Variants in SPMIP8 observed in about 807,000 individuals in gnomAD.
The protein encoded by SPMIP8 is sperm microtubule inner protein 8, also known as testicular tissue protein Li 196.
the SPMIP8 span, chr16:57,985,561 G>A: frequency 6.3e-7 from 1 of 1,583,286 alleles, no homozygotes; most frequent in South Asian, 1.1e-5. Context: ...GTGACGCCAC[G>A]CGCCCGGGGA....
At chr16:57,976,763 C>A in the SPMIP8 span, 31 of 1,096,010 alleles carry the variant, frequency 2.8e-5, no homozygotes, top group Non-Finnish European at 1.2e-5. Context: ...CTCCCTGCTC[C>A]TCCATGATCT....
At chr16:57,977,881 C>A in the SPMIP8 span, 212 of 1,614,150 alleles carry the variant, frequency 1.3e-4, no homozygotes, top group South Asian at 2.2e-3. Flanking sequence ...GCCTCCCCGG[C>A]CATCCTGCTT....
the SPMIP8 span, chr16:57,977,803 T>C: frequency 6.2e-7 from 1 of 1,608,412 alleles, no homozygotes; most frequent in Middle Eastern, 2.1e-4. Context: ...CTTAGAACCC[T>C]CTGCCCCCCA....
the SPMIP8 span, chr16:57,987,239 G>A: frequency 1.8e-4 from 119 of 664,648 alleles, no homozygotes; most frequent in East Asian, 3.0e-3. Context: ...AGCTAAGGAG[G>A]ACAGCTGAAA....
chr16:57,979,338 G>T, the SPMIP8 span, among the ~76,000 whole-genome samples: 1 of 152,160 alleles, frequency 6.6e-6, no homozygotes, highest in South Asian at 2.1e-4. Flanking sequence ...AGTGAGGGAA[G>T]TGGGTGGGGA....
chr16:57,987,477 TCCCCTG>T, the SPMIP8 span: 4 of 1,559,122 alleles, frequency 2.6e-6, no homozygotes, highest in South Asian at 4.8e-5. Context: ...CCACCTCAGG[TCCCCTG>T]GCCAGACAGA....
chr16:57,987,486 C>A, the SPMIP8 span: 1 of 1,545,598 alleles, frequency 6.5e-7, no homozygotes, highest in Non-Finnish European at 8.7e-7. Flanking sequence ...GTCCCCTGGC[C>A]AGACAGAGGA....
the SPMIP8 span, chr16:57,985,562 C>T: frequency 6.3e-7 from 1 of 1,581,346 alleles, no homozygotes; most frequent in African/African-American, 1.4e-5. Context: ...TGACGCCACG[C>T]GCCCGGGGAC....
chr16:57,977,418 AAAAAAAG>A, the SPMIP8 span, among the ~76,000 whole-genome samples: 1 of 151,066 alleles, frequency 6.6e-6, no homozygotes, highest in African/African-American at 2.4e-5. Context: ...AAAAAAAAAA[AAAAAAAG>A]AAAAGAAAGA....
the SPMIP8 span, among the ~76,000 whole-genome samples, chr16:57,982,964 AG>A: frequency 2.0e-5 from 3 of 152,226 alleles, no homozygotes; most frequent in East Asian, 5.8e-4. Context: ...TGGGTGGCGG[AG>A]GTTGCAGTGA....
At chr16:57,984,319 C>G in the SPMIP8 span, 2 of 1,614,104 alleles carry the variant, frequency 1.2e-6, no homozygotes, top group South Asian at 2.2e-5. Flanking sequence ...TTGACAACGC[C>G]CATTTTACAC....
the SPMIP8 span, among the ~76,000 whole-genome samples, chr16:57,981,363 G>A: frequency 1.3e-5 from 1 of 78,966 alleles, no homozygotes; most frequent in East Asian, 3.1e-4. Flanking sequence ...CTGGGCAACA[G>A]AGTGACACTC....
At chr16:57,987,432 G>A in the SPMIP8 span, 1 of 1,592,928 alleles carries the variant, frequency 6.3e-7, no homozygotes, top group South Asian at 1.1e-5. Flanking sequence ...ATTAATCTCT[G>A]GAAAGGAGGC....
At chr16:57,985,419 G>A in the SPMIP8 span, 1 of 1,612,860 alleles carries the variant, frequency 6.2e-7, no homozygotes. Context: ...CCTGTGTGGG[G>A]CGTGGGCAGG....
the SPMIP8 span, among the ~76,000 whole-genome samples, chr16:57,981,980 C>A: frequency 9.2e-5 from 14 of 152,126 alleles, no homozygotes; most frequent in African/African-American, 3.4e-4. Flanking sequence ...CAATACATTG[C>A]GGAGACCTCA....
At chr16:57,979,866 G>A in the SPMIP8 span, among the ~76,000 whole-genome samples, 10 of 152,240 alleles carry the variant, frequency 6.6e-5, no homozygotes, top group Non-Finnish European at 1.5e-4. Flanking sequence ...TCAGAAGTTC[G>A]AGACCAGCCT....
the SPMIP8 span, chr16:57,986,097 T>A: frequency 2.2e-6 from 2 of 893,398 alleles, no homozygotes; most frequent in Non-Finnish European, 3.2e-6. Context: ...TGCTTCGCTC[T>A]GGAGAGATCC....
the SPMIP8 span, chr16:57,976,782 C>T: frequency 2.1e-6 from 2 of 931,886 alleles, no homozygotes; most frequent in Non-Finnish European, 1.6e-6. Context: ...CTAAGGTCCT[C>T]TCTCCTCCTG....
the SPMIP8 span, chr16:57,978,133 G>A: frequency 3.2e-5 from 45 of 1,388,414 alleles, no homozygotes; most frequent in South Asian, 5.9e-4. Flanking sequence ...GCCAGTCCCA[G>A]CTCTGCTGCT....
Sources: allele counts gnomAD v4.1 joint callset (sites outside exome capture counted in the v4.1 genomes callset), GRCh38; gene constraint gnomAD v4.1.1; transcripts MANE v1.5; gene names NCBI Gene and HGNC (gene_info 2026-07-23, HGNC 2026-07-21).